DUS4L: variants seen among roughly 807,000 people sequenced by gnomAD.
The protein encoded by DUS4L is tRNA-dihydrouridine(20a/20b) synthase [NAD(P)+]-like.
A neutral mutation model predicts 33.8 loss-of-function variants in DUS4L; 31 were observed. The observed-to-expected ratio is 0.92, with a 90% CI of 0.69 to 1.24. The LOEUF (loss-of-function observed/expected upper bound fraction) is 1.24, where lower values mean the gene tolerates loss of function less well. Ranked by LOEUF, DUS4L falls within the 50% of genes most tolerant of loss-of-function variation. The pLI is 0.00. For missense variants in DUS4L, 368 were observed against 388.6 expected (o/e 0.95, Z 0.45); for synonymous variants, 103 against 120.3 (o/e 0.86, Z 0.94).
chr7:107,571,505 T>C (rs1805230464), intron 4 of DUS4L, among the ~76,000 whole-genome samples: 1 of 152,186 alleles, frequency 6.6e-6, no homozygotes, highest in African/African-American at 2.4e-5. Flanking sequence ...CTAGAGTAGA[T>C]TCCTGTCACA....
chr7:107,567,064 T>C lies in DUS4L; in HGVS notation c.-7T>C. Reference sequence around the variant, plus strand: ...GTCTTTTTCAGATTTGAAACATATCTGTATTAATGAAGAGTGACTGCATGC... The same window carrying C: ...GTCTTTTTCAGATTTGAAACATATCCGTATTAATGAAGAGTGACTGCATGC... On this transcript the variant is annotated 5_prime_UTR_variant, in exon 3 of 8. Transcript: ENST00000265720. 7 of 1,604,532 alleles carry C rather than the reference T, an allele frequency of 4.4e-6. No homozygotes were observed. The highest frequency in any genetic ancestry group is 6.0e-6 in the Non-Finnish European group (7 of 1,173,710).
intron 7 of DUS4L, 125 bp downstream of exon 7, chr7:107,576,717 T>G (rs1585002347): frequency 2.3e-6 from 2 of 880,160 alleles, no homozygotes; most frequent in East Asian, 5.8e-5. Flanking sequence ...TGTACTGTTT[T>G]AAGCTAAGCG....
chr7:107,567,111 GAAA>G lies in DUS4L; in HGVS notation c.46_48del (p.Lys16del). 6.2e-7 allele frequency: 1 copy of G among 1,613,370 alleles called. No individual in the cohort carries two copies. Among genetic ancestry groups the G allele is most frequent in the Non-Finnish European group, 8.5e-7 (1 of 1,179,622 alleles). ...ATGCAAACGACAATATGTCAGGAAA[GAAA>G]AAAAGATCCCATAGAAATGTTTCAT... On this transcript the variant is annotated inframe_deletion, in exon 3 of 8. Transcript: ENST00000265720.
intron 4 of DUS4L, among the ~76,000 whole-genome samples, chr7:107,573,222 T>C (rs555164657): frequency 5.3e-5 from 8 of 152,334 alleles, no homozygotes; most frequent in Admixed American, 3.9e-4. Flanking sequence ...CCTATGAATA[T>C]ACTCAGAGCA....
In DUS4L at chr7:107,577,556, T is replaced by C. The variant is rs1805863657; in HGVS notation, c.950T>C (p.Ile317Thr). Residue 317 changes from isoleucine (I) to threonine (T), a missense_variant, in exon 8 of 8, where the codon ATT becomes ACT. Transcript: ENST00000265720. ...GATTACCTTACAGACCATTATGGCA[T>C]TTGACTAGACTTCCCAAATAATTTT... ...IIDYLTDHYG[I>T] 1 of 1,611,846 alleles carries C rather than the reference T, an allele frequency of 6.2e-7. No homozygotes were observed. The highest frequency in any genetic ancestry group is 1.1e-5 in the South Asian group (1 of 90,954).
intron 2 of DUS4L, 24 bp from the exon 3 acceptor site, chr7:107,567,026 A>T (rs1272396054): frequency 3.4e-6 from 5 of 1,490,056 alleles, no homozygotes; most frequent in Non-Finnish European, 4.6e-6. Context: ...TATTTTCTCT[A>T]TACAAGCTTA....
chr7:107,565,775 T>C (rs557544822), intron 2 of DUS4L, among the ~76,000 whole-genome samples: 1 of 152,220 alleles, frequency 6.6e-6, no homozygotes, highest in Non-Finnish European at 1.5e-5. Context: ...GCCTCCCACC[T>C]TGGCCTCCCA....
At chr7:107,574,006 T>C (rs1805503658) in intron 5 of DUS4L, 185 bp downstream of exon 5, 1 of 869,078 alleles carries the variant, frequency 1.2e-6, no homozygotes, top group South Asian at 3.7e-5. Context: ...CAAAGGTCTT[T>C]TCTGATGACT....
intron 1 of DUS4L, 110 bp downstream of exon 1, chr7:107,564,319 T>C: frequency 2.5e-6 from 1 of 402,672 alleles, no homozygotes; most frequent in Non-Finnish European, 4.6e-6. Context: ...TTCAGGGAGC[T>C]TCGTTTGCCC....
At chr7:107,567,229 C>G (rs767696689) in intron 3 of DUS4L, 43 bp downstream of exon 3, 1 of 1,557,512 alleles carries the variant, frequency 6.4e-7, no homozygotes, top group Admixed American at 1.7e-5. Context: ...TGAAATTTCC[C>G]TTTTATGCTC....
chr7:107,567,289 C>A, intron 3 of DUS4L, 103 bp downstream of exon 3: 2 of 893,654 alleles, frequency 2.2e-6, no homozygotes, highest in Non-Finnish European at 3.5e-6. Context: ...GAACTTCAAA[C>A]TCTTAGCTTT....
At position 107,567,149 on chromosome 7, in the gene DUS4L, C is replaced by T; in HGVS notation, c.79C>T (p.Leu27=). The part of the protein sequence containing the change: ...DPIEMFHSGQ[L]VKVCAPMVRY... ...CATAGAAATGTTTCATTCTGGACAGCTGGTAAAAGTCTGTGCCCCAATGGT... is the reference window on the plus strand; with the variant it reads ...CATAGAAATGTTTCATTCTGGACAGTTGGTAAAAGTCTGTGCCCCAATGGT... The change falls in exon 3 of 8, where the codon CTG becomes TTG. Residue 27 remains leucine (L), a synonymous_variant. Transcript: ENST00000265720. 6.8e-6 allele frequency: 11 copies of T among 1,613,360 alleles called. No homozygotes were observed. The highest frequency in any genetic ancestry group is 9.3e-6 in the Non-Finnish European group (11 of 1,179,580).
chr7:107,567,122 C>T lies in DUS4L; in HGVS notation c.52C>T (p.Pro18Ser), dbSNP rs1804783476. The T allele has an allele frequency of 6.2e-7, 1 of 1,613,470 alleles. No homozygotes were observed. The highest frequency in any genetic ancestry group is 8.5e-7 in the Non-Finnish European group (1 of 1,179,636). ...TTICQERKKD[P>S]IEMFHSGQLV... ...AATATGTCAGGAAAGAAAAAAAGATCCCATAGAAATGTTTCATTCTGGACA... is the reference window on the plus strand; with the variant it reads ...AATATGTCAGGAAAGAAAAAAAGATTCCATAGAAATGTTTCATTCTGGACA... The change falls in exon 3 of 8, where the codon CCC becomes TCC. Residue 18 changes from proline (P) to serine (S), a missense_variant. By Grantham distance (74) the Pro-to-Ser change is moderately conservative. Transcript: ENST00000265720.
chr7:107,568,971 G>A (rs541663616), intron 3 of DUS4L, among the ~76,000 whole-genome samples: 7 of 152,356 alleles, frequency 4.6e-5, no homozygotes, highest in Non-Finnish European at 7.3e-5. Flanking sequence ...TTGGGAGGCC[G>A]AGGTGGGCAG....
intron 3 of DUS4L, among the ~76,000 whole-genome samples, chr7:107,569,597 T>C (rs1251339574): frequency 6.6e-6 from 1 of 152,254 alleles, no homozygotes; most frequent in Non-Finnish European, 1.5e-5. Flanking sequence ...ATTGAGATTT[T>C]CTTTGATTTC....
At chr7:107,574,833 T>C in intron 5 of DUS4L, 1 of 309,300 alleles carries the variant, frequency 3.2e-6, no homozygotes, top group Non-Finnish European at 6.1e-6. Flanking sequence ...CTTTCTACTA[T>C]TGAGACTAAT....
chr7:107,574,911 C>A (rs753005996), intron 5 of DUS4L: 152 of 393,356 alleles, frequency 3.9e-4, no homozygotes, highest in Non-Finnish European at 6.2e-4. Context: ...ATTGCAATTA[C>A]TTCAAATATT....
chr7:107,571,383 T>C (rs1377427029), intron 4 of DUS4L, 117 bp downstream of exon 4: 3 of 1,390,794 alleles, frequency 2.2e-6, no homozygotes, highest in Non-Finnish European at 2.9e-6. Context: ...TTTAGTTCTT[T>C]AGTGTTTTTA....
chr7:107,577,492 A>G lies in DUS4L; in HGVS notation c.886A>G (p.Arg296Gly). Residue 296 changes from arginine to glycine, a missense_variant, in exon 8 of 8, where the codon AGG (arginine) becomes GGG (glycine). Arg to Gly is a moderately radical substitution (Grantham distance 125). Transcript: ENST00000265720. ...AAAGATAACTTCAAGGCAGGAAAAA[A>G]GGGTATTTAATGCTCTGTCAAGCAC... ...MEKITSRQEK[R>G]VFNALSSTSA... The G allele has an allele frequency of 6.2e-7, 1 of 1,614,164 alleles. No homozygotes were observed. The highest frequency in any genetic ancestry group is 1.3e-5 in the African/African-American group (1 of 75,052).
Sources: allele counts gnomAD v4.1 joint callset (sites outside exome capture counted in the v4.1 genomes callset), GRCh38; gene constraint gnomAD v4.1.1; transcripts MANE v1.5; gene names NCBI Gene and HGNC (gene_info 2026-07-23, HGNC 2026-07-21).